Variants in KCNK13 observed in about 807,000 individuals in gnomAD.
The protein encoded by KCNK13 is potassium two pore domain channel subfamily K member 13.
A neutral mutation model predicts 23.4 loss-of-function variants in KCNK13; 12 were observed. The ratio of observed to expected loss-of-function variants is 0.51; its 90% CI spans 0.33 to 0.83. KCNK13 has a LOEUF of 0.83. Ranked by LOEUF, KCNK13 falls within the 40% of genes least tolerant of loss-of-function variation. The probability of loss-of-function intolerance (pLI) is 0.02; values close to 1 mark genes in which losing one functional copy is unlikely to be tolerated. For synonymous variants in KCNK13, 231 were observed against 229.5 expected, an observed-to-expected ratio of 1.01 and a Z score of -0.06; for missense variants, 463 against 556.3, an observed-to-expected ratio of 0.83 and a Z score of 1.69.
chr14:90,117,602 T>G (rs750999859), intron 1 of KCNK13, among the ~76,000 whole-genome samples: 1 of 151,684 alleles, frequency 6.6e-6, no homozygotes, highest in Admixed American at 6.6e-5. Context: ...AAAAAAAAAA[T>G]TAGGAATTGT....
chr14:90,101,682 C>A (rs552313663), intron 1 of KCNK13, among the ~76,000 whole-genome samples: 1 of 147,296 alleles, frequency 6.8e-6, no homozygotes, highest in Non-Finnish European at 1.5e-5. Flanking sequence ...CCCAGCTACT[C>A]GGGAGGCTGA....
intron 1 of KCNK13, among the ~76,000 whole-genome samples, chr14:90,131,871 T>C (rs1889878837): frequency 1.3e-5 from 2 of 152,220 alleles, no homozygotes; most frequent in Admixed American, 1.3e-4. Context: ...GAAAACAGTA[T>C]GGTGGGTGCC....
intron 1 of KCNK13, among the ~76,000 whole-genome samples, chr14:90,119,053 A>G (rs1171256418): frequency 2.0e-4 from 30 of 152,224 alleles, no homozygotes; most frequent in Admixed American, 2.0e-3. Flanking sequence ...GAAGATGGAT[A>G]CTTTCCTGGA....
intron 1 of KCNK13, among the ~76,000 whole-genome samples, chr14:90,110,645 G>A (rs1466051984): frequency 1.3e-5 from 2 of 152,222 alleles, no homozygotes; most frequent in South Asian, 4.1e-4. Context: ...TGGATTCAGG[G>A]CATGTCTTTC....
At chr14:90,171,299 C>T (rs1425975409) in intron 1 of KCNK13, among the ~76,000 whole-genome samples, 1 of 152,180 alleles carries the variant, frequency 6.6e-6, no homozygotes, top group Non-Finnish European at 1.5e-5. Flanking sequence ...CCAGAGAAGG[C>T]CAGTTTCACA....
At chr14:90,129,455 T>A (rs1454596232) in intron 1 of KCNK13, among the ~76,000 whole-genome samples, 1 of 152,096 alleles carries the variant, frequency 6.6e-6, no homozygotes, top group Non-Finnish European at 1.5e-5. Flanking sequence ...ATTCACTGGG[T>A]CTAGGGTGGA....
At chr14:90,167,500 T>G (rs1279960067) in intron 1 of KCNK13, among the ~76,000 whole-genome samples, 4 of 152,162 alleles carry the variant, frequency 2.6e-5, no homozygotes, top group Non-Finnish European at 5.9e-5. Context: ...TAATCATTGT[T>G]CTAAATGCAG....
intron 1 of KCNK13, among the ~76,000 whole-genome samples, chr14:90,181,139 G>T (rs975895081): frequency 6.6e-6 from 1 of 152,216 alleles, no homozygotes; most frequent in Non-Finnish European, 1.5e-5. Context: ...ACAGGCATGA[G>T]CCACCATGCC....
rs1274738829 is a variant in KCNK13, at chr14:90,062,887, G to A, written c.334+348G>A. ...GGGAGATTTTCAGTCTAATGAAGGA[G>A]ACACGGCTTGAGTTCATGGGGAAGA... On this transcript the variant is annotated intron_variant, in intron 1 of 1. Transcript: ENST00000282146. This position sits in a 1 kb window ranked among gnomAD's most constrained non-coding sequence, Gnocchi z 4.5. Among the ~76,000 whole-genome samples, 3 of 152,200 alleles carry A rather than the reference G, an allele frequency of 2.0e-5. No individual in the cohort carries two copies. Among genetic ancestry groups the A allele is most frequent in the African/African-American group, 7.2e-5 (3 of 41,438 alleles).
At chr14:90,147,599 CA>C (rs1890088256) in intron 1 of KCNK13, among the ~76,000 whole-genome samples, 1 of 152,016 alleles carries the variant, frequency 6.6e-6, no homozygotes, top group South Asian at 2.1e-4. Context: ...GATATATAGT[CA>C]AAGTTATTAC....
At chr14:90,088,739 A>C (rs1889310236) in intron 1 of KCNK13, among the ~76,000 whole-genome samples, 1 of 152,138 alleles carries the variant, frequency 6.6e-6, no homozygotes, top group Non-Finnish European at 1.5e-5. Context: ...TCTCATCTTG[A>C]ATTGTAACTC....
chr14:90,145,153 A>G, intron 1 of KCNK13, among the ~76,000 whole-genome samples: 1 of 152,182 alleles, frequency 6.6e-6, no homozygotes, highest in East Asian at 1.9e-4. Flanking sequence ...CATGCCTGTA[A>G]TCCCAGCACT....
chr14:90,182,477 C>T (rs544768059), intron 1 of KCNK13, among the ~76,000 whole-genome samples: 1 of 152,264 alleles, frequency 6.6e-6, no homozygotes, highest in Admixed American at 6.5e-5. Flanking sequence ...CATGAGAGAG[C>T]TCTTGTGATC....
At chr14:90,176,028 A>G (rs1890418821) in intron 1 of KCNK13, among the ~76,000 whole-genome samples, 1 of 152,206 alleles carries the variant, frequency 6.6e-6, no homozygotes, top group Non-Finnish European at 1.5e-5. Context: ...TGGTCAGAGC[A>G]AGTCTCAGGG....
In KCNK13 at chr14:90,184,240, A is replaced by G; in HGVS notation, c.464A>G (p.Tyr155Cys). 2 of 1,614,228 alleles carry G rather than the reference A, an allele frequency of 1.2e-6. No homozygotes were observed. Among genetic ancestry groups the G allele is most frequent in the Middle Eastern group, 1.6e-4 (1 of 6,062 alleles). The change falls in exon 2 of 2, where the codon TAC (tyrosine) becomes TGC (cysteine). Residue 155 changes from tyrosine (Y) to cysteine (C), a missense_variant. Tyr to Cys is a radical substitution (Grantham distance 194). Around this residue, in one of 3 missense-constraint regions of KCNK13, gnomAD observed 144 missense variants for 224.0 expected, o/e 0.64. Coordinates refer to ENST00000282146, the MANE Select transcript of KCNK13 (RefSeq NM_022054.4). The surrounding 1 kb of genome is among the most constrained non-coding windows in gnomAD (Gnocchi z 5.6). ...FLERLITIIA[Y>C]IMKSCHQRQL... ...GAGCGCCTGATCACCATCATCGCCT[A>G]CATCATGAAGTCGTGCCACCAGCGG...
chr14:90,147,687 A>C (rs769623198), intron 1 of KCNK13, among the ~76,000 whole-genome samples: 1 of 152,064 alleles, frequency 6.6e-6, no homozygotes, highest in Non-Finnish European at 1.5e-5. Flanking sequence ...ATTTATGTTT[A>C]ATTATCCTAG....
intron 1 of KCNK13, among the ~76,000 whole-genome samples, chr14:90,068,223 T>C (rs1200701076): frequency 6.6e-6 from 1 of 152,162 alleles, no homozygotes; most frequent in Non-Finnish European, 1.5e-5. Flanking sequence ...CACCACTCCC[T>C]ACTTCAAAGG....
chr14:90,130,128 G>T (rs1889849653), intron 1 of KCNK13, among the ~76,000 whole-genome samples: 1 of 152,144 alleles, frequency 6.6e-6, no homozygotes. Context: ...CAGATAAGAT[G>T]ATCATGGATT....
rs531769056 is a variant in KCNK13, at chr14:90,182,840, A to G, written c.335-1271A>G. Among the ~76,000 whole-genome samples, 42 of 148,490 alleles carry G rather than the reference A, an allele frequency of 2.8e-4. 1 individual carries two copies. The highest frequency in any genetic ancestry group is 2.7e-3 in the Admixed American group (40 of 14,766). On this transcript the variant is annotated intron_variant, in intron 1 of 1. Coordinates refer to ENST00000282146, the MANE Select transcript of KCNK13 (RefSeq NM_022054.4). ...CCCATCTCTTTAAAAAAAAAAAAAA[A>G]GAGAGAGGTTTGATGGTTTGATTTT...
Sources: allele counts gnomAD v4.1 joint callset (sites outside exome capture counted in the v4.1 genomes callset), GRCh38; gene constraint gnomAD v4.1.1; regional missense constraint gnomAD v4.1.1; non-coding constraint Gnocchi (gnomAD v3.1); transcripts MANE v1.5; gene names NCBI Gene and HGNC (gene_info 2026-07-23, HGNC 2026-07-21).